The following TASP1 variants were observed in gnomAD, a reference collection of about 807,000 sequenced individuals.
TASP1 encodes the protein taspase 1, also known as threonine aspartase 1.
Under a neutral mutation model 56.6 loss-of-function variants are expected in TASP1, and 16 were observed. The ratio of observed to expected loss-of-function variants is 0.28; its 90% CI spans 0.19 to 0.43. The LOEUF is 0.43. Ranked by LOEUF, TASP1 falls within the 20% of genes least tolerant of loss-of-function variation. TASP1 has a pLI of 1.00. For synonymous variants in TASP1, 179 were observed against 184.2 expected (o/e 0.97, Z 0.23); for missense variants, 393 against 511.6 (o/e 0.77, Z 2.24).
chr20:13,140,550 T>C, the TASP1 span, among the ~76,000 whole-genome samples: 5 of 152,184 alleles, frequency 3.3e-5, no homozygotes, highest in African/African-American at 4.8e-5. Flanking sequence ...TTGCATTTTA[T>C]CTACTTTTGA....
intron 10 of TASP1, among the ~76,000 whole-genome samples, chr20:13,483,962 G>GA (rs575595691): frequency 0.012 from 1,785 of 152,050 alleles, 18 homozygotes; most frequent in Non-Finnish European, 0.019. Flanking sequence ...AAATTTACAA[G>GA]AAAAAAACAA....
chr20:13,364,901 G>A, the TASP1 span, among the ~76,000 whole-genome samples: 1 of 152,094 alleles, frequency 6.6e-6, no homozygotes, highest in Non-Finnish European at 1.5e-5. Flanking sequence ...CTACAGCCAC[G>A]AATATGCTCC....
chr20:13,128,222 T>C, the TASP1 span, among the ~76,000 whole-genome samples: 4 of 152,252 alleles, frequency 2.6e-5, no homozygotes, highest in African/African-American at 7.2e-5. Context: ...GACAAGTATT[T>C]GAAGCATTTC....
At chr20:13,327,396 G>A in the TASP1 span, among the ~76,000 whole-genome samples, 1 of 152,050 alleles carries the variant, frequency 6.6e-6, no homozygotes, top group African/African-American at 2.4e-5. Flanking sequence ...GTAATTTGTA[G>A]ATTCAGTGCT....
the TASP1 span, among the ~76,000 whole-genome samples, chr20:13,264,821 G>T: frequency 5.9e-5 from 9 of 152,210 alleles, no homozygotes; most frequent in Admixed American, 5.9e-4. Flanking sequence ...AAGATGAGAG[G>T]TTTTCTCTTC....
chr20:13,240,420 G>A, the TASP1 span, among the ~76,000 whole-genome samples: 1 of 152,160 alleles, frequency 6.6e-6, no homozygotes, highest in Non-Finnish European at 1.5e-5. Flanking sequence ...GGGAATAAAA[G>A]GACCAGCTCT....
At chr20:13,400,958 A>G (rs1211255011) in intron 13 of TASP1, among the ~76,000 whole-genome samples, 2 of 152,244 alleles carry the variant, frequency 1.3e-5, no homozygotes, top group African/African-American at 4.8e-5. Context: ...ATAAAAATGT[A>G]TTCTAACAGA....
chr20:13,117,988 C>T, the TASP1 span, among the ~76,000 whole-genome samples: 1 of 150,926 alleles, frequency 6.6e-6, no homozygotes, highest in Admixed American at 6.6e-5. Context: ...ATGCAAAGTA[C>T]CAGGCAGAGG....
chr20:13,574,839 G>A (rs2046842377), intron 6 of TASP1, among the ~76,000 whole-genome samples: 1 of 152,020 alleles, frequency 6.6e-6, no homozygotes, highest in African/African-American at 2.4e-5. Flanking sequence ...AATCATGAGT[G>A]ATCTGTAAAC....
the TASP1 span, among the ~76,000 whole-genome samples, chr20:13,311,250 TAGATAGATAGATA>T: frequency 2.3e-5 from 3 of 127,748 alleles, no homozygotes; most frequent in Non-Finnish European, 5.0e-5. Flanking sequence ...AGATGATAGA[TAGATAGATAGATA>T]GATAGATAGA....
chr20:13,475,001 AAG>A (rs1292176203), intron 11 of TASP1, among the ~76,000 whole-genome samples: 2 of 151,994 alleles, frequency 1.3e-5, no homozygotes, highest in Admixed American at 1.3e-4. Context: ...TTGTTTGAAA[AAG>A]AATATATGTA....
chr20:13,496,444 T>A (rs2043732685), intron 10 of TASP1, among the ~76,000 whole-genome samples: 1 of 151,250 alleles, frequency 6.6e-6, no homozygotes. Context: ...GCAGTAAAAA[T>A]TTGGAAACTA....
the TASP1 span, among the ~76,000 whole-genome samples, chr20:13,320,783 T>C: frequency 1.3e-5 from 2 of 152,012 alleles, no homozygotes; most frequent in African/African-American, 2.4e-5. Context: ...TTATTTCAGC[T>C]AGCAAAAAAA....
rs78791628 is a variant in TASP1, at chr20:13,468,801, C to T, written c.985+14426G>A. Among the ~76,000 whole-genome samples the T allele has an allele frequency of 4.6e-3, 688 of 150,880 alleles. 4 individuals carry two copies. Among genetic ancestry groups the T allele is most frequent in the African/African-American group, 0.015 (614 of 41,182 alleles). On this transcript the variant is annotated intron_variant, in intron 11 of 13. Transcript: ENST00000337743. ...AAGCTTTTTGATCACCTAATAAGTA[C>T]CCTTAGGAGAAAAAAAATTTGCTAA... is the stretch of plus-strand genomic sequence containing the variant.
chr20:13,528,177 C>T (rs1196726193), intron 10 of TASP1, among the ~76,000 whole-genome samples: 2 of 137,036 alleles, frequency 1.5e-5, no homozygotes, highest in Non-Finnish European at 3.1e-5. Context: ...GAGCCAAGAT[C>T]GCACCACTGC....
intron 8 of TASP1, among the ~76,000 whole-genome samples, chr20:13,553,537 T>C (rs917129653): frequency 6.6e-6 from 1 of 152,172 alleles, no homozygotes; most frequent in Non-Finnish European, 1.5e-5. Flanking sequence ...CCATCATGTC[T>C]TCCCTCTAAA....
At chr20:13,138,603 C>T in the TASP1 span, among the ~76,000 whole-genome samples, 1 of 152,168 alleles carries the variant, frequency 6.6e-6, no homozygotes, top group Non-Finnish European at 1.5e-5. Flanking sequence ...TTCTGACAAG[C>T]TTGGGATCTA....
At chr20:13,339,816 T>A in the TASP1 span, among the ~76,000 whole-genome samples, 1 of 152,052 alleles carries the variant, frequency 6.6e-6, no homozygotes, top group African/African-American at 2.4e-5. Flanking sequence ...ATTATGTATG[T>A]AACCAAGTAG....
the TASP1 span, among the ~76,000 whole-genome samples, chr20:13,324,027 A>C: frequency 8.5e-5 from 13 of 152,358 alleles, no homozygotes; most frequent in African/African-American, 2.9e-4. Flanking sequence ...CTATAAGGAC[A>C]ACAACTTGCA....
Sources: allele counts gnomAD v4.1 joint callset (sites outside exome capture counted in the v4.1 genomes callset), GRCh38; gene constraint gnomAD v4.1.1; transcripts MANE v1.5; gene names NCBI Gene and HGNC (gene_info 2026-07-23, HGNC 2026-07-21).